TTLL1: variants seen among roughly 807,000 people sequenced by gnomAD.
The protein encoded by TTLL1 is polyglutamylase complex subunit TTLL1.
TTLL1 carries 33 observed loss-of-function variants against 47.8 expected under a neutral mutation model. That is an observed-to-expected ratio of 0.69 (90% CI 0.52 to 0.92). The LOEUF (loss-of-function observed/expected upper bound fraction) is 0.92, where lower values mean the gene tolerates loss of function less well. TTLL1 is among the 40% of genes least tolerant of loss of function. TTLL1 has a pLI of 0.00. For synonymous variants in TTLL1, 225 were observed against 214.1 expected (o/e 1.05, Z -0.45); for missense variants, 488 against 547.5 (o/e 0.89, Z 1.08).
At chr22:43,088,602 C>T (rs1929406669) in intron 1 of TTLL1, among the ~76,000 whole-genome samples, 1 of 151,820 alleles carries the variant, frequency 6.6e-6, no homozygotes, top group Non-Finnish European at 1.5e-5. Context: ...CTCGGCCTCC[C>T]AAAGTGCTGG....
At chr22:43,044,385 G>A (rs940491530) in intron 10 of TTLL1, among the ~76,000 whole-genome samples, 11 of 152,136 alleles carry the variant, frequency 7.2e-5, no homozygotes, top group South Asian at 2.1e-4. Flanking sequence ...GCTGTAACAC[G>A]CACATCCACA....
At chr22:43,044,845 G>T (rs550563849) in intron 10 of TTLL1, among the ~76,000 whole-genome samples, 2 of 151,664 alleles carry the variant, frequency 1.3e-5, no homozygotes, top group Admixed American at 1.3e-4. Context: ...CAGGCCCCAT[G>T]GTGTAGCTCT....
rs1601689340 is a variant in TTLL1 at position 43,069,867 on chromosome 22, A to G, written c.114-23T>C. 3 of 1,612,928 alleles carry G rather than the reference A, an allele frequency of 1.9e-6. No individual in the cohort carries two copies. The East Asian group carries it at 6.7e-5, about 36-fold the overall frequency. On this transcript the variant is annotated intron_variant, in intron 3 of 10. Coordinates refer to ENST00000266254, the MANE Select transcript of TTLL1 (RefSeq NM_012263.5). The stretch of plus-strand genomic sequence containing the variant: ...ATCCTGAAAGAGATGAGCAGGAGAG[A>G]CACTTGGCAGTGATGTCTGTGTGGC...
intron 1 of TTLL1, among the ~76,000 whole-genome samples, chr22:43,086,022 T>C (rs1929208428): frequency 6.6e-6 from 1 of 152,186 alleles, no homozygotes; most frequent in Non-Finnish European, 1.5e-5. Context: ...CGCCCCACAG[T>C]GTGGAAGAAT....
intron 10 of TTLL1, 50 bp from the exon 11 acceptor site, chr22:43,039,955 C>A: frequency 6.3e-7 from 1 of 1,588,808 alleles, no homozygotes; most frequent in Non-Finnish European, 8.6e-7. Flanking sequence ...TCAAAGGCAA[C>A]AGGCAGGGCC....
chr22:43,063,031 G>A (rs1927484567), intron 7 of TTLL1, among the ~76,000 whole-genome samples: 1 of 152,126 alleles, frequency 6.6e-6, no homozygotes, highest in Admixed American at 6.6e-5. Flanking sequence ...GGTTGCATGT[G>A]TACTTGAAGT....
intron 1 of TTLL1, among the ~76,000 whole-genome samples, chr22:43,088,324 C>CCTTTTTTTTTTT (rs1929375639): frequency 3.5e-5 from 2 of 56,468 alleles, no homozygotes; most frequent in African/African-American, 1.5e-4. Context: ...AAGGGCCCAT[C>CCTTTTTTTTTTT]TTTTTTTTTT....
chr22:43,044,671 CCAA>C (rs1925962818), intron 10 of TTLL1, among the ~76,000 whole-genome samples: 2 of 152,306 alleles, frequency 1.3e-5, no homozygotes, highest in South Asian at 2.1e-4. Flanking sequence ...AGTATCGATG[CCAA>C]CAACATGATG....
chr22:43,065,583 A>G (rs1927676661), intron 5 of TTLL1, among the ~76,000 whole-genome samples: 1 of 149,850 alleles, frequency 6.7e-6, no homozygotes, highest in African/African-American at 2.5e-5. Context: ...TGCCACACAC[A>G]TGGCCAAATT....
chr22:43,042,667 C>T (rs754009691), intron 10 of TTLL1, among the ~76,000 whole-genome samples: 21 of 152,144 alleles, frequency 1.4e-4, no homozygotes, highest in Admixed American at 2.6e-4. Context: ...CATGGACGGG[C>T]GGCGCCGCTC....
At chr22:43,087,127 C>T (rs1362875521) in intron 1 of TTLL1, among the ~76,000 whole-genome samples, 1 of 152,176 alleles carries the variant, frequency 6.6e-6, no homozygotes, top group Non-Finnish European at 1.5e-5. Context: ...AGTGGCTTTC[C>T]CCAACCACTC....
chr22:43,085,265 C>G (rs930400830), intron 1 of TTLL1, among the ~76,000 whole-genome samples: 1 of 152,130 alleles, frequency 6.6e-6, no homozygotes, highest in Non-Finnish European at 1.5e-5. Context: ...TGTGAGCCAC[C>G]GCGCCTGGCA....
intron 7 of TTLL1, among the ~76,000 whole-genome samples, chr22:43,062,499 A>AAAAAG (rs1555960939): frequency 3.7e-4 from 56 of 150,204 alleles, no homozygotes; most frequent in East Asian, 1.2e-3. Context: ...CTTAAAAAAA[A>AAAAAG]AAAAGAAAAG....
At chr22:43,045,717 C>T (rs1254534563) in intron 10 of TTLL1, among the ~76,000 whole-genome samples, 1 of 151,972 alleles carries the variant, frequency 6.6e-6, no homozygotes, top group Non-Finnish European at 1.5e-5. Context: ...GCCCAGGTGA[C>T]CCGTGAGAAA....
intron 7 of TTLL1, among the ~76,000 whole-genome samples, chr22:43,060,156 TAA>T (rs1457758196): frequency 6.6e-6 from 1 of 152,192 alleles, no homozygotes; most frequent in Non-Finnish European, 1.5e-5. Context: ...CTCATCTCCC[TAA>T]TACTCTCAGG....
At chr22:43,062,035 C>T (rs1171264271) in intron 7 of TTLL1, among the ~76,000 whole-genome samples, 1 of 152,154 alleles carries the variant, frequency 6.6e-6, no homozygotes, top group Non-Finnish European at 1.5e-5. Context: ...CCCCTGGAAG[C>T]TCTGGGATCT....
At chr22:43,074,216 C>G (rs1020909989) in intron 3 of TTLL1, among the ~76,000 whole-genome samples, 1 of 151,216 alleles carries the variant, frequency 6.6e-6, no homozygotes, top group South Asian at 2.1e-4. Context: ...CACCTGAGGT[C>G]GGGAGTTCGA....
At chr22:43,085,989 T>A (rs1176337687) in intron 1 of TTLL1, among the ~76,000 whole-genome samples, 1 of 152,168 alleles carries the variant, frequency 6.6e-6, no homozygotes. Context: ...AAATCGTGTG[T>A]AGACAAGTGA....
intron 8 of TTLL1, among the ~76,000 whole-genome samples, chr22:43,058,462 G>C (rs916958219): frequency 2.6e-5 from 4 of 152,174 alleles, no homozygotes; most frequent in African/African-American, 4.8e-5. Flanking sequence ...TCACAGACAA[G>C]ACGCTGCTGG....
Sources: gnomAD v4.1 joint callset for allele counts (sites outside exome capture counted in the v4.1 genomes callset) on GRCh38, gnomAD v4.1.1 for gene constraint, MANE v1.5 for transcripts, NCBI Gene and HGNC (gene_info 2026-07-23, HGNC 2026-07-21) for gene names.